MAPRE1: variants seen among roughly 807,000 people sequenced by gnomAD.
MAPRE1 encodes the protein microtubule-associated protein RP/EB family member 1.
A neutral mutation model predicts 32.1 loss-of-function variants in MAPRE1; 5 were observed. The observed-to-expected ratio is 0.16, with a 90% CI of 0.08 to 0.33. MAPRE1 has a LOEUF of 0.33. MAPRE1 is among the 10% of genes least tolerant of loss of function. MAPRE1 has a pLI of 1.00. For missense variants in MAPRE1, 209 were observed against 327.2 expected (o/e 0.64, Z 2.79); for synonymous variants, 122 against 118.9 (o/e 1.03, Z -0.17).
intron 3 of MAPRE1, among the ~76,000 whole-genome samples, chr20:32,834,860 T>C (rs1444151799): frequency 2.0e-5 from 3 of 152,214 alleles, no homozygotes; most frequent in Non-Finnish European, 4.4e-5. Flanking sequence ...TGTAACTCAA[T>C]GGTTAGCATG....
intron 4 of MAPRE1, among the ~76,000 whole-genome samples, chr20:32,837,666 C>G (rs971220822): frequency 7.9e-5 from 12 of 152,208 alleles, no homozygotes; most frequent in African/African-American, 2.6e-4. Context: ...AATGGAGAGA[C>G]AATTCGCATG....
intron 3 of MAPRE1, 22 bp from the exon 4 acceptor site, chr20:32,836,611 TA>T: frequency 1.4e-6 from 2 of 1,467,000 alleles, no homozygotes; most frequent in Non-Finnish European, 1.9e-6. Flanking sequence ...TTTTTGGGGC[TA>T]AACAGTTGTT....
At position 32,836,729 on chromosome 20, in the gene MAPRE1, A is replaced by T; in HGVS notation, c.363A>T (p.Gly121=). Residue 121 remains glycine, a synonymous_variant, in exon 4 of 7, where the codon GGA becomes GGT. Transcript: ENST00000375571. ...AGTTTTTCGATGCAAACTATGATGG[A>T]AAAGACTATGACCCTGTGGCTGCCA... ...FKKFFDANYD[G]KDYDPVAARQ... is the part of the protein sequence containing the mutation. The T allele has an allele frequency of 6.2e-7, 1 of 1,613,862 alleles. No individual in the cohort carries two copies. The highest frequency in any genetic ancestry group is 8.5e-7 in the Non-Finnish European group (1 of 1,179,758).
intron 5 of MAPRE1, among the ~76,000 whole-genome samples, chr20:32,845,038 TGA>T (rs1983471171): frequency 5.3e-5 from 8 of 151,524 alleles, no homozygotes; most frequent in South Asian, 2.1e-4. Flanking sequence ...TATGTATGAA[TGA>T]ATGAATGAAT....
intron 2 of MAPRE1, 147 bp downstream of exon 2, chr20:32,826,195 G>T (rs2146122201): frequency 1.8e-6 from 1 of 567,288 alleles, no homozygotes; most frequent in Non-Finnish European, 2.8e-6. Context: ...CCCTGCCTTT[G>T]CTTCTGCTTC....
intron 1 of MAPRE1, among the ~76,000 whole-genome samples, chr20:32,820,427 A>G (rs1388156542): frequency 1.3e-5 from 2 of 151,998 alleles, no homozygotes; most frequent in Admixed American, 1.3e-4. Context: ...GAGGGCCGAG[A>G]GATCGGGTGG....
intron 4 of MAPRE1, among the ~76,000 whole-genome samples, chr20:32,837,587 T>C (rs1240331209): frequency 6.6e-6 from 1 of 152,152 alleles, no homozygotes; most frequent in Non-Finnish European, 1.5e-5. Context: ...TAGTTAAGGT[T>C]TCATAATACC....
intron 5 of MAPRE1, among the ~76,000 whole-genome samples, chr20:32,844,439 C>CTTTTTTTTTTTTTTTTTTTT (rs71190880): frequency 5.8e-5 from 3 of 52,050 alleles, no homozygotes; most frequent in Non-Finnish European, 1.0e-4. Flanking sequence ...GCTAGCATTC[C>CTTTTTTTTTTTTTTTTTTTT]TTTTTTTTTT....
chr20:32,836,989 C>T, intron 4 of MAPRE1, 148 bp downstream of exon 4: 2 of 749,850 alleles, frequency 2.7e-6, no homozygotes, highest in South Asian at 2.0e-5. Flanking sequence ...ATTTTGGCAT[C>T]AGGCAGATAA....
intron 4 of MAPRE1, among the ~76,000 whole-genome samples, chr20:32,837,249 A>T (rs1246714377): frequency 6.6e-6 from 1 of 152,174 alleles, no homozygotes; most frequent in Non-Finnish European, 1.5e-5. Context: ...ACCAGAGCTG[A>T]ACTCCTTGAA....
chr20:32,832,077 T>G (rs899175470), intron 2 of MAPRE1, among the ~76,000 whole-genome samples: 2 of 152,182 alleles, frequency 1.3e-5, no homozygotes, highest in Non-Finnish European at 2.9e-5. Flanking sequence ...GTCACCCTGG[T>G]CACTGAAGTG....
At chr20:32,838,594 G>C (rs1568881275) in intron 4 of MAPRE1, among the ~76,000 whole-genome samples, 1 of 152,182 alleles carries the variant, frequency 6.6e-6, no homozygotes, top group African/African-American at 2.4e-5. Flanking sequence ...GTTTTCCAAA[G>C]TGCCTCAGCT....
At chr20:32,841,622 C>A (rs1470261077) in intron 5 of MAPRE1, among the ~76,000 whole-genome samples, 1 of 138,000 alleles carries the variant, frequency 7.2e-6, no homozygotes, top group Non-Finnish European at 1.6e-5. Context: ...CCCCCTCCCC[C>A]CACCGCACAA....
At chr20:32,846,360 C>G (rs866307772) in intron 5 of MAPRE1, among the ~76,000 whole-genome samples, 2 of 152,204 alleles carry the variant, frequency 1.3e-5, no homozygotes, top group African/African-American at 4.8e-5. Flanking sequence ...TCTCCTTAAT[C>G]CTTTTTCAGT....
intron 2 of MAPRE1, among the ~76,000 whole-genome samples, chr20:32,827,917 C>T (rs79575953): frequency 0.034 from 5,153 of 150,008 alleles, 285 homozygotes; most frequent in African/African-American, 0.12. Context: ...AATTTATTGC[C>T]GTTGCTTATA....
chr20:32,847,959 A>G (rs1983549115), intron 6 of MAPRE1, among the ~76,000 whole-genome samples: 1 of 152,240 alleles, frequency 6.6e-6, no homozygotes, highest in South Asian at 2.1e-4. Context: ...AAGGCATAAA[A>G]GGAAAGCTGG....
intron 1 of MAPRE1, 46 bp from the exon 2 acceptor site, chr20:32,825,879 A>G (rs201134009): frequency 1.3e-6 from 2 of 1,510,768 alleles, no homozygotes; most frequent in Non-Finnish European, 1.8e-6. Flanking sequence ...CCTTACTTGC[A>G]TGCCTAATGT....
intron 4 of MAPRE1, among the ~76,000 whole-genome samples, chr20:32,838,080 C>T (rs1601168124): frequency 6.6e-6 from 1 of 152,180 alleles, no homozygotes; most frequent in Non-Finnish European, 1.5e-5. Context: ...CAGACGCTGT[C>T]TCAAGAAAAA....
At chr20:32,835,890 G>A (rs1983187678) in intron 3 of MAPRE1, among the ~76,000 whole-genome samples, 1 of 152,078 alleles carries the variant, frequency 6.6e-6, no homozygotes, top group South Asian at 2.1e-4. Context: ...ACAGGTGTGA[G>A]CCACCACGCC....
Sources: allele counts gnomAD v4.1 joint callset (sites outside exome capture counted in the v4.1 genomes callset), GRCh38; gene constraint gnomAD v4.1.1; transcripts MANE v1.5; gene names NCBI Gene and HGNC (gene_info 2026-07-23, HGNC 2026-07-21).